EFNB1: variants seen among roughly 807,000 people sequenced by gnomAD.
EFNB1 encodes ephrin-B1.
EFNB1 carries 1 observed loss-of-function variant against 18.1 expected under a neutral mutation model. The observed-to-expected ratio is 0.06, with a 90% CI of 0.02 to 0.26. The LOEUF (loss-of-function observed/expected upper bound fraction) is 0.26. Among genes scored for constraint, EFNB1 ranks in the 10% least tolerant of loss-of-function variants. EFNB1 has a pLI of 1.00. For synonymous variants in EFNB1, 131 were observed against 127.5 expected (o/e 1.03, Z -0.19); for missense variants, 221 against 301.8 (o/e 0.73, Z 1.98).
At chrX:68,832,442 C>G (rs989923455) in intron 1 of EFNB1, among the ~76,000 whole-genome samples, 1 of 111,024 alleles carries the variant, frequency 9.0e-6, no homozygotes, top group African/African-American at 3.3e-5. Flanking sequence ...CTCCTCAGCC[C>G]TGTCAGAAGC....
At chrX:68,839,048 T>G (rs772897603) in intron 2 of EFNB1, among the ~76,000 whole-genome samples, 154 bp downstream of exon 2, 1 of 112,354 alleles carries the variant, frequency 8.9e-6, no homozygotes, top group East Asian at 2.8e-4. Context: ...TGTTCTCCTC[T>G]TAGCCTGGCC....
chrX:68,837,080 G>C (rs776757216), intron 1 of EFNB1, among the ~76,000 whole-genome samples: 1 of 111,293 alleles, frequency 9.0e-6, no homozygotes, highest in Non-Finnish European at 1.9e-5. Context: ...CCTGCCTCCA[G>C]CCCTTGCTGC....
chrX:68,834,454 C>A (rs1429843687), intron 1 of EFNB1, among the ~76,000 whole-genome samples: 1 of 113,182 alleles, frequency 8.8e-6, no homozygotes, highest in Admixed American at 9.2e-5. Context: ...CTCCTGGCTT[C>A]CCTGCCTCTG....
Position 68,840,679 on chromosome X carries a change from C to T in EFNB1, c.*25C>T, listed in dbSNP as rs768808444. ...AGTGCCCGGCACGGCCTCAGGCCCC[C>T]GAGGGACAGTCGGCCTGGACCGGAC... On this transcript the variant is annotated 3_prime_UTR_variant, in exon 5 of 5. Coordinates refer to ENST00000204961, the MANE Select transcript of EFNB1 (RefSeq NM_004429.5). The T allele has an allele frequency of 6.7e-6, 8 of 1,195,360 alleles. No homozygotes were observed. The African/African-American group carries it at 1.0e-4, about 16-fold the overall frequency.
rs1456451645 is a variant in EFNB1 at position 68,840,807 on chromosome X, C to T, written c.*153C>T. ...TTATAATCCCCCTTTTTCCCTGCCC[C>T]CTGGGCTTCGGAGGGGGGTGCTTGT... On this transcript the variant is annotated 3_prime_UTR_variant, in exon 5 of 5. Transcript: ENST00000204961. 4.0e-5 allele frequency: 26 copies of T among 656,783 alleles called. No individual in the cohort carries two copies. Among genetic ancestry groups the T allele is most frequent in the Non-Finnish European group, 5.3e-5 (23 of 433,895 alleles). The allele number at this position is 656,783 out of a possible 1,213,427, so 54.1% of individuals were successfully genotyped here. A position where few individuals can be genotyped will look rare whatever the true frequency, so the allele number is the denominator to read the frequency against.
At chrX:68,835,363 G>A (rs146335356) in intron 1 of EFNB1, among the ~76,000 whole-genome samples, 1,289 of 111,486 alleles carry the variant, frequency 0.012, 25 homozygotes, top group African/African-American at 0.041. Flanking sequence ...CTAGGGTGGG[G>A]GGAAGTAAGG....
At position 68,829,585 on chromosome X, in the gene EFNB1, C is replaced by G. The variant is rs748040560; in HGVS notation, c.-192C>G. 2.0e-5 allele frequency: 14 copies of G among 692,331 alleles called. No homozygotes were observed. The African/African-American group carries it at 2.8e-4, about 14-fold the overall frequency. 57.1% of individuals were successfully genotyped at this position (692,331 alleles called of 1,213,427 possible). A position where few individuals can be genotyped will look rare whatever the true frequency, so the allele number is the denominator to read the frequency against. On this transcript the variant is annotated 5_prime_UTR_variant, in exon 1 of 5. Coordinates refer to ENST00000204961, the MANE Select transcript of EFNB1 (RefSeq NM_004429.5). ...CCATGCCCGGGTTGGGGGCGGCTGCCCAGTGAGTCCTCCTGGCCGGCCGGG... is the reference window on the plus strand; with the variant it reads ...CCATGCCCGGGTTGGGGGCGGCTGCGCAGTGAGTCCTCCTGGCCGGCCGGG...
chrX:68,832,345 T>C (rs1254223171), intron 1 of EFNB1, among the ~76,000 whole-genome samples: 1 of 110,363 alleles, frequency 9.1e-6, no homozygotes, highest in Non-Finnish European at 1.9e-5. Context: ...TCTCAAGTCC[T>C]TTTGTTTCTC....
chrX:68,835,118 T>C (rs1406618043), intron 1 of EFNB1, among the ~76,000 whole-genome samples: 1 of 110,748 alleles, frequency 9.0e-6, no homozygotes, highest in African/African-American at 3.3e-5. Context: ...AGGTAGAACT[T>C]GGGTTAGGGT....
chrX:68,833,506 T>C (rs1031130647), intron 1 of EFNB1, among the ~76,000 whole-genome samples: 1 of 112,085 alleles, frequency 8.9e-6, no homozygotes, highest in African/African-American at 3.3e-5. Flanking sequence ...CTGGATACTA[T>C]GGTGCATCAC....
At chrX:68,832,888 G>T (rs765637577) in intron 1 of EFNB1, among the ~76,000 whole-genome samples, 1 of 108,815 alleles carries the variant, frequency 9.2e-6, no homozygotes, top group African/African-American at 3.4e-5. Context: ...GACCCCTCCC[G>T]CAGCCTCTTC....
chrX:68,839,005 C>T, intron 2 of EFNB1, 111 bp downstream of exon 2: 1 of 987,357 alleles, frequency 1.0e-6, no homozygotes, highest in Non-Finnish European at 1.4e-6. Context: ...TAGTTAAGAC[C>T]CTGCTGGATC....
intron 1 of EFNB1, 66 bp from the exon 2 acceptor site, chrX:68,838,551 C>G (rs2080468238): frequency 8.4e-7 from 1 of 1,188,271 alleles, no homozygotes. Context: ...GTCCGCTTCC[C>G]TGGTTCTGGA....
intron 1 of EFNB1, among the ~76,000 whole-genome samples, chrX:68,838,177 G>A (rs1315474819): frequency 1.8e-4 from 4 of 22,123 alleles, no homozygotes; most frequent in Admixed American, 3.6e-4. Context: ...GTGTGTGCGC[G>A]CGCGCGCGCG....
chrX:68,839,623 C>G (rs765085734), intron 2 of EFNB1, 41 bp from the exon 3 acceptor site: 6 of 1,168,291 alleles, frequency 5.1e-6, no homozygotes, highest in Non-Finnish European at 7.0e-6. Context: ...AGACCTTTCT[C>G]TCCTCCTGAC....
Position 68,838,164 on chromosome X carries a change from TGTGTGTGTGC to T in EFNB1, c.129-451_129-442del, listed in dbSNP as rs1381582697. Among the ~76,000 whole-genome samples the T allele has an allele frequency of 9.0e-3, 423 of 46,790 alleles. 2 individuals carry two copies. Among genetic ancestry groups the T allele is most frequent in the African/African-American group, 0.051 (361 of 7,129 alleles). 40.6% of individuals were successfully genotyped at this position (46,790 alleles called of 115,157 possible). ...GTGTGTGTGTGTGTGTGTGTGTGTG[TGTGTGTGTGC>T]GCGCGCGCGCGCGCACGTGTGTATG... On this transcript the variant is annotated intron_variant, in intron 1 of 4. Transcript: ENST00000204961.
At chrX:68,830,653 G>A (rs2080442541) in intron 1 of EFNB1, among the ~76,000 whole-genome samples, 1 of 112,259 alleles carries the variant, frequency 8.9e-6, no homozygotes, top group Non-Finnish European at 1.9e-5. Flanking sequence ...AGCTTCAAGG[G>A]CCCGCCAGGG....
intron 1 of EFNB1, among the ~76,000 whole-genome samples, chrX:68,830,124 C>T (rs144357594): frequency 9.0e-6 from 1 of 111,060 alleles, no homozygotes. Flanking sequence ...GGGCTTCCCA[C>T]CCCCTGCCTC....
In EFNB1 at chrX:68,836,252, A is replaced by G. The variant is rs1010431539; in HGVS notation, c.129-2365A>G. Among the ~76,000 whole-genome samples the G allele has an allele frequency of 2.7e-5, 3 of 111,817 alleles. No individual in the cohort carries two copies. In the Admixed American group the frequency reaches 2.8e-4, roughly 11 times the overall value. Reference sequence around the variant, plus strand: ...CCATCTGGATGGAACCGTTGTGAGCACTGGAAAGGGAAAAAATGCCTGGAG... The same window carrying G: ...CCATCTGGATGGAACCGTTGTGAGCGCTGGAAAGGGAAAAAATGCCTGGAG... On this transcript the variant is annotated intron_variant, in intron 1 of 4. Transcript: ENST00000204961.
Sources: allele counts gnomAD v4.1 joint callset (sites outside exome capture counted in the v4.1 genomes callset), GRCh38; gene constraint gnomAD v4.1.1; transcripts MANE v1.5; gene names NCBI Gene and HGNC (gene_info 2026-07-23, HGNC 2026-07-21).